PRPF3: variants seen among roughly 807,000 people sequenced by gnomAD.
PRPF3 encodes the protein pre-mRNA processing factor 3.
PRPF3 carries 3 observed loss-of-function variants against 89.2 expected under a neutral mutation model. The observed-to-expected ratio is 0.03, with a 90% confidence interval of 0.02 to 0.09. The LOEUF (loss-of-function observed/expected upper bound fraction) is 0.09, where lower values mean the gene tolerates loss of function less well. Ranked by LOEUF, PRPF3 falls within the 10% of genes least tolerant of loss-of-function variation. The pLI is 1.00. For missense variants in PRPF3, 463 were observed against 828.8 expected (o/e 0.56, Z 5.42); for synonymous variants, 270 against 289.1 (o/e 0.93, Z 0.67).
intron 6 of PRPF3, among the ~76,000 whole-genome samples, 173 bp downstream of exon 6, chr1:150,333,372 G>A (rs587773450): frequency 6.6e-6 from 1 of 152,256 alleles, no homozygotes; most frequent in South Asian, 2.1e-4. Context: ...TTCGAGACCA[G>A]CCTGGCCAAT....
At chr1:150,334,827 C>G (rs1656799346) in intron 6 of PRPF3, 108 bp from the exon 7 acceptor site, 1 of 1,385,600 alleles carries the variant, frequency 7.2e-7, no homozygotes, top group East Asian at 2.4e-5. Flanking sequence ...CCTTGGCCTC[C>G]CAAAATGCTG....
chr1:150,325,994 A>C (rs1553863666), intron 3 of PRPF3, 113 bp downstream of exon 3: 1 of 1,354,024 alleles, frequency 7.4e-7, no homozygotes, highest in East Asian at 2.4e-5. Context: ...CAAATGTTCA[A>C]GAGAGGTACT....
At chr1:150,327,550 A>G in intron 3 of PRPF3, 1 of 985,072 alleles carries the variant, frequency 1.0e-6, no homozygotes, top group Non-Finnish European at 1.2e-6. Context: ...TTTTTCTTGA[A>G]CTGTAGGAGT....
chr1:150,347,128 T>G (rs1172273231), intron 14 of PRPF3, among the ~76,000 whole-genome samples: 1 of 151,804 alleles, frequency 6.6e-6, no homozygotes, highest in Admixed American at 6.6e-5. Context: ...AGCTATACAT[T>G]CATGTGTACA....
At position 150,324,938 on chromosome 1, in the gene PRPF3, G is replaced by A. The variant is rs782225406; in HGVS notation, c.-5G>A. The A allele has an allele frequency of 6.3e-7, 1 of 1,583,304 alleles. No individual in the cohort carries two copies. The highest frequency in any genetic ancestry group is 1.7e-5 in the Admixed American group (1 of 57,846). ...TTTGAGCTATTGTTCTCTTTTTCCT[G>A]AAAAATGGCACTGTCAAAGAGGGAG... is the stretch of plus-strand genomic sequence containing the variant. On this transcript the variant is annotated 5_prime_UTR_variant, in exon 2 of 16. Coordinates refer to ENST00000324862, the MANE Select transcript of PRPF3 (RefSeq NM_004698.4).
chr1:150,323,173 C>CTTTTTTTTTTTTTTTTTT (rs71083901), intron 1 of PRPF3, among the ~76,000 whole-genome samples: 1 of 48,286 alleles, frequency 2.1e-5, no homozygotes, highest in African/African-American at 9.7e-5. Context: ...CCGCACCTGG[C>CTTTTTTTTTTTTTTTTTT]TTTTTTTTTT....
chr1:150,321,510 C>G (rs1046710070), upstream of PRPF3: 1 of 152,788 alleles, frequency 6.5e-6, no homozygotes, highest in African/African-American at 2.4e-5. Context: ...GTGGCGGTAG[C>G]GACGGCACGC....
In PRPF3 at chr1:150,332,053, T is replaced by C. The variant is rs892272113; in HGVS notation, c.424-631T>C. ...TCCTGGCTAACAGGGTGAAACCCCA[T>C]CTCTACTAAAAATACAAAAAATTAG... On this transcript the variant is annotated intron_variant, in intron 4 of 15. Transcript: ENST00000324862. Among the ~76,000 whole-genome samples, 4 of 151,992 alleles carry C rather than the reference T, an allele frequency of 2.6e-5. No individual in the cohort carries two copies. In the East Asian group the frequency reaches 7.8e-4, roughly 30 times the overall value.
chr1:150,346,580 C>T lies in PRPF3; in HGVS notation c.1843+89C>T. 9 of 1,324,590 alleles carry T rather than the reference C, an allele frequency of 6.8e-6. No homozygotes were observed. In the South Asian group the frequency reaches 9.5e-5, roughly 14 times the overall value. 82.1% of individuals were successfully genotyped at this position (1,324,590 alleles called of 1,614,324 possible). A position where few individuals can be genotyped will look rare whatever the true frequency, so the allele number is the denominator to read the frequency against. ...CGTTCATCTTATTTCCTCCCTGTGACACTCTTGATAACACTAGATAGTGTT... is the reference window on the plus strand; with the variant it reads ...CGTTCATCTTATTTCCTCCCTGTGATACTCTTGATAACACTAGATAGTGTT... On this transcript the variant is annotated intron_variant, in intron 14 of 15. Coordinates refer to ENST00000324862, the MANE Select transcript of PRPF3 (RefSeq NM_004698.4).
Position 150,353,074 on chromosome 1 carries a change from A to G in PRPF3, c.*95A>G. The G allele has an allele frequency of 1.3e-6, 2 of 1,528,662 alleles. No individual in the cohort carries two copies. The highest frequency in any genetic ancestry group is 1.7e-5 in the Admixed American group (1 of 59,796). 94.7% of individuals were successfully genotyped at this position (1,528,662 alleles called of 1,614,324 possible). A position where few individuals can be genotyped will look rare whatever the true frequency, so the allele number is the denominator to read the frequency against. The stretch of plus-strand genomic sequence containing the variant: ...CAACCCCCTCCCACTTGTTTGTGTG[A>G]TCTCAGAACTGTGCCAAGCAGACAC... On this transcript the variant is annotated 3_prime_UTR_variant, in exon 16 of 16. Transcript: ENST00000324862.
rs147409085 is a variant in PRPF3, at chr1:150,342,505, T to TACACAC, written c.1283-788_1283-783dup. Among the ~76,000 whole-genome samples the TACACAC allele has an allele frequency of 7.7e-3, 1,166 of 150,936 alleles. 18 individuals are homozygous for TACACAC. Among genetic ancestry groups the TACACAC allele is most frequent in the African/African-American group, 0.027 (1,114 of 41,224 alleles). On this transcript the variant is annotated intron_variant, in intron 9 of 15. Transcript: ENST00000324862. ...TTCTTCATTTTCTATTTAAAGTTTA[T>TACACAC]ACACACACACACACACACACATGTT...
chr1:150,338,482 T>A (rs1309909454), intron 8 of PRPF3, among the ~76,000 whole-genome samples, 156 bp downstream of exon 8: 2 of 151,626 alleles, frequency 1.3e-5, no homozygotes, highest in African/African-American at 4.8e-5. Flanking sequence ...TAAGTAACTG[T>A]ACACAAGGTC....
At chr1:150,322,340 A>T (rs1415092864) in intron 1 of PRPF3, among the ~76,000 whole-genome samples, 1 of 152,240 alleles carries the variant, frequency 6.6e-6, no homozygotes, top group Non-Finnish European at 1.5e-5. Flanking sequence ...ATGAATTAGG[A>T]TGTAAATATG....
chr1:150,344,845 C>T (rs1303382694), intron 12 of PRPF3, among the ~76,000 whole-genome samples: 1 of 150,870 alleles, frequency 6.6e-6, no homozygotes, highest in Non-Finnish European at 1.5e-5. Context: ...ATTGTATGTC[C>T]TTTGAGAACT....
chr1:150,322,880 T>TG (rs1655217006), intron 1 of PRPF3, among the ~76,000 whole-genome samples: 1 of 150,900 alleles, frequency 6.6e-6, no homozygotes, highest in South Asian at 2.1e-4. Flanking sequence ...AGACACCTTT[T>TG]TTTTTTTTCC....
intron 3 of PRPF3, 79 bp from the exon 4 acceptor site, chr1:150,328,241 G>A (rs1655932800): frequency 6.4e-7 from 1 of 1,559,942 alleles, no homozygotes; most frequent in Non-Finnish European, 8.8e-7. Context: ...GCCAGAAAAT[G>A]CTGGTAGGGG....
chr1:150,327,313 G>A (rs782337851), intron 3 of PRPF3, among the ~76,000 whole-genome samples: 5 of 151,980 alleles, frequency 3.3e-5, no homozygotes, highest in Non-Finnish European at 5.9e-5. Context: ...AGATCTGCTC[G>A]CCTCGGCCTC....
At chr1:150,339,736 C>T (rs1346748394) in intron 8 of PRPF3, among the ~76,000 whole-genome samples, 16 of 104,564 alleles carry the variant, frequency 1.5e-4, no homozygotes, top group African/African-American at 6.0e-4. Context: ...CCACGCCTGG[C>T]GTTTTTTTTT....
intron 9 of PRPF3, among the ~76,000 whole-genome samples, chr1:150,341,195 C>T (rs1233308512): frequency 6.6e-6 from 1 of 151,306 alleles, no homozygotes; most frequent in Non-Finnish European, 1.5e-5. Context: ...CCTGGTTGTT[C>T]CTAGGAAAGA....
Sources: allele counts gnomAD v4.1 joint callset (sites outside exome capture counted in the v4.1 genomes callset), GRCh38; gene constraint gnomAD v4.1.1; transcripts MANE v1.5; gene names NCBI Gene and HGNC (gene_info 2026-07-23, HGNC 2026-07-21).